The following DDX59 variants were observed in gnomAD, a reference collection of about 807,000 sequenced individuals.
DDX59 encodes the protein DEAD-box helicase 59.
In DDX59, 30 loss-of-function variants were observed where a neutral mutation model predicts 51.9. That is an observed-to-expected ratio of 0.58 (90% confidence interval 0.43 to 0.78). The LOEUF is 0.78. Among genes scored for constraint, DDX59 ranks in the 30% least tolerant of loss-of-function variants. The probability of loss-of-function intolerance (pLI) is 0.00; values close to 1 mark genes in which losing one functional copy is unlikely to be tolerated. For missense variants in DDX59, 672 were observed against 730.8 expected (o/e 0.92, Z 0.93); for synonymous variants, 255 against 253.3 (o/e 1.01, Z -0.06).
At chr1:200,668,189 T>C (rs1431753216) in intron 1 of DDX59, among the ~76,000 whole-genome samples, 2 of 151,720 alleles carry the variant, frequency 1.3e-5, no homozygotes, top group Non-Finnish European at 2.9e-5. Flanking sequence ...GCGCCTGTAG[T>C]CCCAGCTACT....
In DDX59 at chr1:200,644,353, C is replaced by T; in HGVS notation, c.1761G>A (p.Lys587=). Residue 587 remains lysine, a synonymous_variant, in exon 8 of 8, where the codon AAG becomes AAA. Coordinates refer to ENST00000331314, the MANE Select transcript of DDX59 (RefSeq NM_001031725.6). The stretch of plus-strand genomic sequence containing the variant: ...GTGTCTGTTTATCTTTCTGTTGTTC[C>T]TTTCTCTTCTGGTCATGAAGGTATG... The part of the protein sequence containing the change: ...NSPYLHDQKR[K]EQQKDKQTQN... The T allele has an allele frequency of 6.2e-7, 1 of 1,613,532 alleles. No homozygotes were observed. Among genetic ancestry groups the T allele is most frequent in the South Asian group, 1.1e-5 (1 of 91,026 alleles).
intron 3 of DDX59, among the ~76,000 whole-genome samples, chr1:200,663,077 C>T (rs185334106): frequency 3.2e-4 from 49 of 152,236 alleles, no homozygotes; most frequent in Middle Eastern, 3.4e-3. Flanking sequence ...TGATATTCAC[C>T]CATAGAAGCT....
At chr1:200,650,400 C>CA (rs772852928) in intron 5 of DDX59, 25 bp downstream of exon 5, 1 of 1,593,476 alleles carries the variant, frequency 6.3e-7, no homozygotes, top group Admixed American at 1.7e-5. Context: ...ATCCATAAAA[C>CA]ATAGTTAACT....
At chr1:200,646,798 A>G (rs1661321753) in intron 7 of DDX59, among the ~76,000 whole-genome samples, 1 of 152,274 alleles carries the variant, frequency 6.6e-6, no homozygotes, top group Non-Finnish European at 1.5e-5. Context: ...AAACTTGTAC[A>G]TGAATGTCCA....
chr1:200,644,588 A>G lies in DDX59; in HGVS notation c.1597-71T>C, dbSNP rs1437355603. The G allele has an allele frequency of 2.7e-6, 4 of 1,503,044 alleles. No individual in the cohort carries two copies. In the African/African-American group the frequency reaches 5.6e-5, roughly 21 times the overall value. The allele number at this position is 1,503,044 out of a possible 1,614,324, so 93.1% of individuals were successfully genotyped here. A position where few individuals can be genotyped will look rare whatever the true frequency, so the allele number is the denominator to read the frequency against. On this transcript the variant is annotated intron_variant, in intron 7 of 7. Coordinates refer to ENST00000331314, the MANE Select transcript of DDX59 (RefSeq NM_001031725.6). The stretch of plus-strand genomic sequence containing the variant: ...CTTAGTGTCTTTTGAAAGAAAATGA[A>G]TAATATTACTTAAAGTAGCATTACT...
chr1:200,663,767 T>C (rs1231775904), intron 3 of DDX59, 152 bp downstream of exon 3: 1 of 554,902 alleles, frequency 1.8e-6, no homozygotes, highest in Admixed American at 5.4e-5. Context: ...TAAAACAAAC[T>C]AAAAAAAAAA....
rs1661138257 is a variant in DDX59, at chr1:200,644,106, G to A, written c.*148C>T. ...GATGTTTTTAATTTATAAGAATTAA[G>A]GGAAATAAATACAATATAGTTATAT... is the stretch of plus-strand genomic sequence containing the variant. On this transcript the variant is annotated 3_prime_UTR_variant, in exon 8 of 8. Coordinates refer to ENST00000331314, the MANE Select transcript of DDX59 (RefSeq NM_001031725.6). 1 of 639,622 alleles carries A rather than the reference G, an allele frequency of 1.6e-6. No individual in the cohort carries two copies. Among genetic ancestry groups the A allele is most frequent in the Non-Finnish European group, 2.0e-6 (1 of 487,844 alleles). 39.6% of individuals were successfully genotyped at this position (639,622 alleles called of 1,614,324 possible).
rs143466956 is a variant in DDX59, at chr1:200,649,204, G to A, written c.1337C>T (p.Pro446Leu). ...ILNDKKLFKP[P>L]VLVFVDCKLG... is the part of the protein sequence containing the mutation. ...TTTGCAGTCCACAAATACTAACACT[G>A]GAGGCTTAAAGAGTTTCTTATCCTG... The change falls in exon 6 of 8, where the codon CCA becomes CTA. Residue 446 changes from proline (P) to leucine (L), a missense_variant. Transcript: ENST00000331314. 1,036 of 1,573,444 alleles carry A rather than the reference G, an allele frequency of 6.6e-4. 11 individuals are homozygous for A. In the African/African-American group the frequency reaches 0.013, roughly 20 times the overall value.
At chr1:200,658,925 T>G (rs1662202705) in intron 4 of DDX59, 102 bp downstream of exon 4, 5 of 1,009,220 alleles carry the variant, frequency 5.0e-6, no homozygotes, top group Non-Finnish European at 7.3e-6. Context: ...AGGTTTTTTT[T>G]GAGAGAGAGA....
At chr1:200,650,091 G>A (rs576213476) in intron 5 of DDX59, among the ~76,000 whole-genome samples, 3 of 152,060 alleles carry the variant, frequency 2.0e-5, no homozygotes, top group Non-Finnish European at 4.4e-5. Flanking sequence ...TGATCTGCCC[G>A]CCTCGGCCTC....
At chr1:200,642,320 C>T (rs1016072924), downstream of DDX59, among the ~76,000 whole-genome samples, 2 of 152,066 alleles carry the variant, frequency 1.3e-5, no homozygotes, top group African/African-American at 4.8e-5. Context: ...TAATATAGTA[C>T]ATTAGTGTCC....
chr1:200,668,160 A>G (rs1186149003), intron 1 of DDX59, among the ~76,000 whole-genome samples: 2 of 152,072 alleles, frequency 1.3e-5, no homozygotes, highest in African/African-American at 4.8e-5. Flanking sequence ...AAAAAAAATT[A>G]GCCGGGCGTT....
At chr1:200,647,187 A>C (rs900025521) in intron 7 of DDX59, among the ~76,000 whole-genome samples, 1 of 152,234 alleles carries the variant, frequency 6.6e-6, no homozygotes, top group African/African-American at 2.4e-5. Context: ...TTACTTGAAG[A>C]GTTTGTAAGG....
downstream of DDX59, chr1:200,641,221 A>G: frequency 7.7e-7 from 1 of 1,304,784 alleles, no homozygotes; most frequent in Admixed American, 2.3e-5. Flanking sequence ...CGTTGATATT[A>G]ATTCCAGAGA....
intron 2 of DDX59, among the ~76,000 whole-genome samples, chr1:200,664,385 TAC>T (rs1057069942): frequency 3.3e-5 from 5 of 152,334 alleles, no homozygotes; most frequent in African/African-American, 9.6e-5. Flanking sequence ...CCCTGTAATC[TAC>T]AGTCATCCTC....
Position 200,666,212 on chromosome 1 carries a change from G to C in DDX59, c.529C>G (p.Leu177Val), listed in dbSNP as rs146925173. ...VYKEHPFILN[L>V]QEDQIENLKQ... is the part of the protein sequence containing the mutation. The stretch of plus-strand genomic sequence containing the variant: ...AGATTTTCAATCTGGTCTTCCTGAA[G>C]GTTCAAAATAAAGGGGTGCTCTTTG... The change falls in exon 2 of 8, where the codon CTT becomes GTT. Residue 177 changes from leucine (L) to valine (V), a missense_variant. By Grantham distance (32) the Leu-to-Val change is conservative (BLOSUM62 1). Coordinates refer to ENST00000331314, the MANE Select transcript of DDX59 (RefSeq NM_001031725.6). 6.2e-7 allele frequency: 1 copy of C among 1,614,208 alleles called. No homozygotes were observed. The highest frequency in any genetic ancestry group is 8.5e-7 in the Non-Finnish European group (1 of 1,180,032).
chr1:200,645,558 C>T lies in DDX59; in HGVS notation c.1597-1041G>A, dbSNP rs115645210. On this transcript the variant is annotated intron_variant, in intron 7 of 7. Coordinates refer to ENST00000331314, the MANE Select transcript of DDX59 (RefSeq NM_001031725.6). Reference sequence around the variant, plus strand: ...TCCCAAAGTGCTAGGATTACAGGCCCGGCTAGTTATTTCTCATGTTGAGAG... The same window carrying T: ...TCCCAAAGTGCTAGGATTACAGGCCTGGCTAGTTATTTCTCATGTTGAGAG... Among the ~76,000 whole-genome samples, 455 of 152,060 alleles carry T rather than the reference C, an allele frequency of 3.0e-3. 2 individuals are homozygous for T. Among genetic ancestry groups the T allele is most frequent in the African/African-American group, 0.01 (435 of 41,500 alleles).
rs1662774010 is a variant in DDX59 at position 200,666,591 on chromosome 1, GGC to G, written c.148_149del (p.Ala50HisfsTer38). On this transcript the variant is annotated frameshift_variant, in exon 2 of 8. Transcript: ENST00000331314. LOFTEE classifies it high-confidence loss of function. ...VPVDAVATEA[A>X]TIDRHISESC... Reference sequence around the variant, plus strand: ...ATTCGCTGATGTGCCTGTCTATTGTGGCTGCTTCTGTAGCTACAGCATCAACG... The same window carrying G: ...ATTCGCTGATGTGCCTGTCTATTGTGTGCTTCTGTAGCTACAGCATCAACG... 2.5e-6 allele frequency: 4 copies of G among 1,614,026 alleles called. No individual in the cohort carries two copies. Among genetic ancestry groups the G allele is most frequent in the Non-Finnish European group, 3.4e-6 (4 of 1,180,042 alleles).
Position 200,649,179 on chromosome 1 carries a change from T to G in DDX59, c.1362A>C (p.Lys454Asn), listed in dbSNP as rs761372457. 26 of 1,598,202 alleles carry G rather than the reference T, an allele frequency of 1.6e-5. No individual in the cohort carries two copies. The highest frequency in any genetic ancestry group is 1.3e-5 in the Non-Finnish European group (15 of 1,175,098). ...CTTCACTCAAAAGATCTGCTCCTAGTTTGCAGTCCACAAATACTAACACTG... is the reference window on the plus strand; with the variant it reads ...CTTCACTCAAAAGATCTGCTCCTAGGTTGCAGTCCACAAATACTAACACTG... ...KPPVLVFVDC[K>N]LGADLLSEAV... The change falls in exon 6 of 8, where the codon AAA becomes AAC. Residue 454 changes from lysine to asparagine, a missense_variant. Coordinates refer to ENST00000331314, the MANE Select transcript of DDX59 (RefSeq NM_001031725.6).
Sources: gnomAD v4.1 joint callset for allele counts (sites outside exome capture counted in the v4.1 genomes callset) on GRCh38, gnomAD v4.1.1 for gene constraint, MANE v1.5 for transcripts, NCBI Gene and HGNC (gene_info 2026-07-23, HGNC 2026-07-21) for gene names.